ANKS1A: variants seen among roughly 807,000 people sequenced by gnomAD.
ANKS1A encodes ankyrin repeat and sterile alpha motif domain containing 1A.
In ANKS1A, 55 loss-of-function variants were observed where a neutral mutation model predicts 120.3. The ratio of observed to expected loss-of-function variants is 0.46; its 90% CI spans 0.37 to 0.57. The LOEUF is 0.57. ANKS1A is among the 20% of genes least tolerant of loss of function. The pLI is 0.00. For missense variants in ANKS1A, 1,123 were observed against 1,480.3 expected (o/e 0.76, Z 3.96); for synonymous variants, 590 against 604.7 (o/e 0.98, Z 0.36).
intron 11 of ANKS1A, among the ~76,000 whole-genome samples, chr6:35,029,533 G>A (rs1467183218): frequency 1.3e-5 from 2 of 151,330 alleles, no homozygotes; most frequent in East Asian, 3.9e-4. Context: ...ATTTTTAGTA[G>A]AGACGAGGTT....
chr6:35,087,126 T>C (rs1778032731), intron 23 of ANKS1A, 77 bp downstream of exon 23: 8 of 1,413,144 alleles, frequency 5.7e-6, no homozygotes, highest in Admixed American at 3.4e-5. Context: ...ATCCGATCTT[T>C]CTGCTGTCCT....
At chr6:34,901,743 T>G (rs1401994502) in intron 1 of ANKS1A, among the ~76,000 whole-genome samples, 2 of 152,302 alleles carry the variant, frequency 1.3e-5, no homozygotes, top group African/African-American at 4.8e-5. Context: ...ATTCCTGGGC[T>G]TAAGAGATCT....
intron 1 of ANKS1A, among the ~76,000 whole-genome samples, chr6:34,927,927 T>G (rs778515501): frequency 8.5e-5 from 13 of 152,204 alleles, no homozygotes; most frequent in Non-Finnish European, 1.9e-4. Context: ...TGGCTTCTTT[T>G]GGGCTGCAGT....
At chr6:35,040,791 G>A (rs1325909273) in intron 11 of ANKS1A, among the ~76,000 whole-genome samples, 1 of 152,180 alleles carries the variant, frequency 6.6e-6, no homozygotes, top group African/African-American at 2.4e-5. Flanking sequence ...GGGACCCTCT[G>A]GCCTTTAGCC....
chr6:34,951,339 C>T (rs910065537), intron 1 of ANKS1A, among the ~76,000 whole-genome samples: 1 of 151,224 alleles, frequency 6.6e-6, no homozygotes, highest in South Asian at 2.1e-4. Context: ...ATACATTATC[C>T]CATTTGTTGC....
Position 34,936,141 on chromosome 6 carries a change from G to A in ANKS1A, c.198-31098G>A, listed in dbSNP as rs1321517873. On this transcript the variant is annotated intron_variant, in intron 1 of 23. Transcript: ENST00000360359. Reference sequence around the variant, plus strand: ...TTAGCATGTCCCTAGTTGCTGGTAAGGGAATTTCAGGAACTTGTTTTAGAG... The same window carrying A: ...TTAGCATGTCCCTAGTTGCTGGTAAAGGAATTTCAGGAACTTGTTTTAGAG... 7.2e-5 allele frequency among the ~76,000 whole-genome samples: 11 copies of A among 152,138 alleles called. No homozygotes were observed. In the East Asian group the frequency reaches 2.1e-3, roughly 29 times the overall value.
rs1776307724 is a variant in ANKS1A, at chr6:35,058,239, G to GC, written c.2078-1905dup. On this transcript the variant is annotated intron_variant, in intron 12 of 23. Coordinates refer to ENST00000360359, the MANE Select transcript of ANKS1A (RefSeq NM_015245.3). The surrounding 1 kb of genome is among the most constrained non-coding windows in gnomAD (Gnocchi z 5.1). ...TGGAGCCAGCAGCAGGCAGCGTGGA[G>GC]CCCAGGAGCCTTTAGACAAAGCATT... 1 of 152,384 alleles carries GC rather than the reference G, an allele frequency of 6.6e-6. No homozygotes were observed. The highest frequency in any genetic ancestry group is 6.5e-5 in the Admixed American group (1 of 15,286). The allele number at this position is 152,384 out of a possible 1,614,324, so 9.4% of individuals were successfully genotyped here.
At chr6:35,047,827 G>A (rs954272316) in intron 11 of ANKS1A, among the ~76,000 whole-genome samples, 2 of 152,192 alleles carry the variant, frequency 1.3e-5, no homozygotes. Flanking sequence ...TTGGTTCCGT[G>A]TATTTCCTTC....
rs752506559 is a variant in ANKS1A at position 35,091,237 on chromosome 6, T to TAAAC, written c.*2630_*2633dup. 9.1e-6 allele frequency: 9 copies of TAAAC among 985,936 alleles called. No homozygotes were observed. Among genetic ancestry groups the TAAAC allele is most frequent in the Non-Finnish European group, 1.1e-5 (9 of 829,954 alleles). 61.1% of individuals were successfully genotyped at this position (985,936 alleles called of 1,614,324 possible). A position where few individuals can be genotyped will look rare whatever the true frequency, so the allele number is the denominator to read the frequency against. On this transcript the variant is annotated 3_prime_UTR_variant, in exon 24 of 24. Transcript: ENST00000360359. ...AATCTGTCTGATTTTGTCTGAATTA[T>TAAAC]AAACACTTTGAGGTACCAAACATAA...
intron 1 of ANKS1A, among the ~76,000 whole-genome samples, chr6:34,958,274 C>G (rs930241609): frequency 4.6e-5 from 7 of 152,188 alleles, no homozygotes; most frequent in Non-Finnish European, 8.8e-5. Flanking sequence ...ACTGAGTAGC[C>G]TGATTCAAAC....
At chr6:34,947,145 T>C (rs1769841476) in intron 1 of ANKS1A, among the ~76,000 whole-genome samples, 2 of 143,988 alleles carry the variant, frequency 1.4e-5, no homozygotes, top group Non-Finnish European at 1.5e-5. Context: ...GTAGACTCTT[T>C]TTTTTTTTTT....
chr6:35,065,971 G>A (rs896473009), intron 13 of ANKS1A, among the ~76,000 whole-genome samples: 1 of 152,174 alleles, frequency 6.6e-6, no homozygotes, highest in African/African-American at 2.4e-5. Flanking sequence ...TAAACTGGAT[G>A]GGGGAAGCTC....
rs549249351 is a variant in ANKS1A at position 35,083,918 on chromosome 6, A to G, written c.2995-203A>G. On this transcript the variant is annotated intron_variant, in intron 20 of 23. Coordinates refer to ENST00000360359, the MANE Select transcript of ANKS1A (RefSeq NM_015245.3). ...TTGGGTGTGAACATTTTACTGCCTT[A>G]GTTGTTGTGGTAAGGGGTGGAGACC... Among the ~76,000 whole-genome samples, 3 of 152,272 alleles carry G rather than the reference A, an allele frequency of 2.0e-5. No homozygotes were observed. In the East Asian group the frequency reaches 5.8e-4, roughly 29 times the overall value.
At chr6:34,901,918 A>G (rs1767368883) in intron 1 of ANKS1A, among the ~76,000 whole-genome samples, 1 of 152,244 alleles carries the variant, frequency 6.6e-6, no homozygotes, top group Non-Finnish European at 1.5e-5. Flanking sequence ...TATAAGGAGA[A>G]GGTAGTATTC....
chr6:35,093,509 T>TA (rs1778371504), downstream of ANKS1A, among the ~76,000 whole-genome samples: 1 of 152,110 alleles, frequency 6.6e-6, no homozygotes, highest in Non-Finnish European at 1.5e-5. Flanking sequence ...TTTGAGTCTA[T>TA]AAAAACTAAA....
chr6:35,026,714 C>G (rs1317064394), intron 11 of ANKS1A, among the ~76,000 whole-genome samples: 2 of 152,088 alleles, frequency 1.3e-5, no homozygotes, highest in African/African-American at 4.8e-5. Context: ...TTAATTTCTC[C>G]TGTAAGAGAA....
At chr6:34,927,393 T>A (rs1392142113) in intron 1 of ANKS1A, among the ~76,000 whole-genome samples, 1 of 151,862 alleles carries the variant, frequency 6.6e-6, no homozygotes, top group East Asian at 1.9e-4. Flanking sequence ...ATTGAGTATG[T>A]GATTTTGGGG....
Position 35,089,495 on chromosome 6 carries a change from G to A in ANKS1A, c.*886G>A. On this transcript the variant is annotated 3_prime_UTR_variant, in exon 24 of 24. Transcript: ENST00000360359. ...TTGGGGCATTAATGCTTGGAGTGGG[G>A]TCAGCTAAGGTTGCTACTTGCCAAT... 1.0e-6 allele frequency: 1 copy of A among 986,624 alleles called. No individual in the cohort carries two copies. Among genetic ancestry groups the A allele is most frequent in the Non-Finnish European group, 1.2e-6 (1 of 830,546 alleles). 61.1% of individuals were successfully genotyped at this position (986,624 alleles called of 1,614,324 possible).
chr6:34,985,114 A>T lies in ANKS1A; in HGVS notation c.1045A>T (p.Ile349Leu), dbSNP rs1561891478. The T allele has an allele frequency of 1.2e-6, 2 of 1,614,136 alleles. No homozygotes were observed. Among genetic ancestry groups the T allele is most frequent in the African/African-American group, 2.7e-5 (2 of 75,030 alleles). ...DVEKAVTELIIDFDANAEEEG... is the reference protein window; with the variant it reads ...DVEKAVTELILDFDANAEEEG... ...GGAGAAAGCAGTGACTGAACTGATT[A>T]TAGATTTTGATGCAAATGCTGAAGA... The change falls in exon 8 of 24, where the codon ATA (isoleucine) becomes TTA (leucine). Residue 349 changes from isoleucine (I) to leucine (L), a missense_variant. By Grantham distance (5) the Ile-to-Leu change is conservative (BLOSUM62 2). This residue lies in a region of ANKS1A where 904 missense variants were observed against 1,130.4 expected (regional missense o/e 0.80). Coordinates refer to ENST00000360359, the MANE Select transcript of ANKS1A (RefSeq NM_015245.3).
Sources: gnomAD v4.1 joint callset for allele counts (sites outside exome capture counted in the v4.1 genomes callset) on GRCh38, gnomAD v4.1.1 for gene constraint, gnomAD v4.1.1 regional missense constraint, Gnocchi (gnomAD v3.1) non-coding constraint, MANE v1.5 for transcripts, NCBI Gene and HGNC (gene_info 2026-07-23, HGNC 2026-07-21) for gene names.